PHACTR1: variants seen among roughly 807,000 people sequenced by gnomAD.
PHACTR1 encodes phosphatase and actin regulator 1.
PHACTR1 carries 16 observed loss-of-function variants against 69.2 expected under a neutral mutation model. The observed-to-expected ratio is 0.23, with a 90% confidence interval of 0.16 to 0.35. The LOEUF is 0.35. Ranked by LOEUF, PHACTR1 falls within the 10% of genes least tolerant of loss-of-function variation. The pLI is 1.00. For synonymous variants in PHACTR1, 312 were observed against 284.5 expected, an observed-to-expected ratio of 1.10 and a Z score of -0.97; for missense variants, 510 against 734.7, an observed-to-expected ratio of 0.69 and a Z score of 3.54.
intron 5 of PHACTR1, among the ~76,000 whole-genome samples, chr6:13,133,564 C>T (rs1367381668): frequency 2.6e-5 from 4 of 152,098 alleles, no homozygotes; most frequent in East Asian, 1.9e-4. Flanking sequence ...CCCGAGGTGC[C>T]GGGATTGCAG....
chr6:13,109,758 G>T (rs1172411422), intron 5 of PHACTR1, among the ~76,000 whole-genome samples: 1 of 151,116 alleles, frequency 6.6e-6, no homozygotes, highest in Non-Finnish European at 1.5e-5. Context: ...TTTTCTTTTG[G>T]AATGAAAATT....
chr6:13,278,031 G>T, intron 11 of PHACTR1: 1 of 323,892 alleles, frequency 3.1e-6, no homozygotes. Context: ...GAAACCCCAT[G>T]TGATGTAAAG....
At chr6:13,153,226 G>A (rs1004664680) in intron 5 of PHACTR1, among the ~76,000 whole-genome samples, 1 of 152,204 alleles carries the variant, frequency 6.6e-6, no homozygotes, top group Non-Finnish European at 1.5e-5. Context: ...ATACACAGTG[G>A]TAAAGATGCA....
At chr6:13,199,774 TAGAA>T (rs575187914) in intron 7 of PHACTR1, among the ~76,000 whole-genome samples, 182 of 152,264 alleles carry the variant, frequency 1.2e-3, no homozygotes, top group African/African-American at 4.2e-3. Context: ...TTTCTATAGA[TAGAA>T]ATAAAATAGA....
chr6:13,102,515 A>G (rs1815338030), intron 5 of PHACTR1, among the ~76,000 whole-genome samples: 1 of 152,234 alleles, frequency 6.6e-6, no homozygotes, highest in Non-Finnish European at 1.5e-5. Flanking sequence ...ATTTAACATC[A>G]TAGCCAGTCC....
intron 4 of PHACTR1, among the ~76,000 whole-genome samples, chr6:13,003,256 G>A (rs1002645485): frequency 3.3e-5 from 5 of 152,158 alleles, no homozygotes; most frequent in African/African-American, 1.2e-4. Flanking sequence ...TATCTATAGA[G>A]TCAGAATGTT....
At chr6:13,268,871 CACAA>C (rs890077715) in intron 10 of PHACTR1, among the ~76,000 whole-genome samples, 37 of 152,282 alleles carry the variant, frequency 2.4e-4, no homozygotes, top group Admixed American at 4.6e-4. Context: ...AGAAATGAAA[CACAA>C]ACAGAGGAAC....
At chr6:12,792,531 A>G (rs1484109643) in intron 4 of PHACTR1, among the ~76,000 whole-genome samples, 1 of 150,604 alleles carries the variant, frequency 6.6e-6, no homozygotes, top group East Asian at 1.9e-4. Flanking sequence ...ATAAAAATAT[A>G]TAGAGTGGTT....
intron 4 of PHACTR1, among the ~76,000 whole-genome samples, chr6:12,864,267 C>T (rs1781225379): frequency 6.6e-6 from 1 of 152,194 alleles, no homozygotes; most frequent in Non-Finnish European, 1.5e-5. Flanking sequence ...CCCATCCCCA[C>T]AGTGTCGGGT....
intron 4 of PHACTR1, among the ~76,000 whole-genome samples, chr6:12,821,846 A>T (rs922399677): frequency 1.3e-5 from 2 of 152,234 alleles, no homozygotes; most frequent in African/African-American, 4.8e-5. Context: ...AAGGTCACAC[A>T]AACTGGTCCA....
chr6:13,220,017 C>G (rs1423124711), intron 8 of PHACTR1, among the ~76,000 whole-genome samples: 1 of 152,094 alleles, frequency 6.6e-6, no homozygotes, highest in Non-Finnish European at 1.5e-5. Flanking sequence ...CATAAACAAT[C>G]AAGATAATAA....
chr6:12,910,293 GC>G (rs1284474344), intron 4 of PHACTR1, among the ~76,000 whole-genome samples: 5 of 152,018 alleles, frequency 3.3e-5, no homozygotes, highest in South Asian at 2.1e-4. Context: ...TCTAATAATG[GC>G]CCCCCAGGAT....
chr6:13,086,083 T>TAAAAAAAAA (rs776154642), intron 5 of PHACTR1, among the ~76,000 whole-genome samples: 57 of 60,256 alleles, frequency 9.5e-4, no homozygotes, highest in African/African-American at 3.4e-3. Flanking sequence ...TACACATTTC[T>TAAAAAAAAA]AAAAAAAAAA....
At chr6:13,010,388 A>G (rs971307334) in intron 4 of PHACTR1, among the ~76,000 whole-genome samples, 6 of 152,170 alleles carry the variant, frequency 3.9e-5, no homozygotes, top group African/African-American at 1.4e-4. Flanking sequence ...TCAGTGCCCC[A>G]AAGTGCTGGG....
intron 8 of PHACTR1, among the ~76,000 whole-genome samples, chr6:13,218,811 A>AGG (rs1562013092): frequency 2.7e-5 from 4 of 149,200 alleles, no homozygotes; most frequent in Non-Finnish European, 5.9e-5. Context: ...GAAGAAGAAG[A>AGG]AGGAGGAGGA....
chr6:13,024,866 A>G (rs746095226), intron 4 of PHACTR1, among the ~76,000 whole-genome samples: 1 of 152,200 alleles, frequency 6.6e-6, no homozygotes, highest in Non-Finnish European at 1.5e-5. Flanking sequence ...GAATCTGTGA[A>G]TATCAATGCA....
rs10664160 is a variant in PHACTR1, at chr6:13,073,331, A to ATTTTTTTTTTT, written c.415+19822_415+19832dup. ...ATTCCTTCAACCAATCATTCCATGA[A>ATTTTTTTTTTT]TTTTTTTTTTTTTTTTTTTTTTTTT... On this transcript the variant is annotated intron_variant, in intron 5 of 14. Transcript: ENST00000332995. Among the ~76,000 whole-genome samples the ATTTTTTTTTTT allele has an allele frequency of 2.7e-4, 18 of 65,694 alleles. 5 individuals carry two copies. Among genetic ancestry groups the ATTTTTTTTTTT allele is most frequent in the East Asian group, 5.6e-4 (1 of 1,782 alleles). The allele number at this position is 65,694 out of a possible 152,430, so 43.1% of individuals were successfully genotyped here.
intron 5 of PHACTR1, among the ~76,000 whole-genome samples, chr6:13,133,748 G>A (rs1394817963): frequency 6.6e-6 from 1 of 151,688 alleles, no homozygotes; most frequent in African/African-American, 2.4e-5. Context: ...GTCTCTGCCT[G>A]GCCGCCCATC....
At chr6:12,770,414 G>A (rs1211276800) in intron 4 of PHACTR1, among the ~76,000 whole-genome samples, 1 of 152,150 alleles carries the variant, frequency 6.6e-6, no homozygotes, top group African/African-American at 2.4e-5. Flanking sequence ...GAAATGAAGA[G>A]GCTGGCCCAG....
Sources: gnomAD v4.1 joint callset for allele counts (sites outside exome capture counted in the v4.1 genomes callset) on GRCh38, gnomAD v4.1.1 for gene constraint, MANE v1.5 for transcripts, NCBI Gene and HGNC (gene_info 2026-07-23, HGNC 2026-07-21) for gene names.